PXDNL: variants seen among roughly 807,000 people sequenced by gnomAD.
PXDNL encodes probable oxidoreductase PXDNL.
A neutral mutation model predicts 150.8 loss-of-function variants in PXDNL; 145 were observed. That is an observed-to-expected ratio of 0.96 (90% confidence interval 0.84 to 1.10). The LOEUF is 1.10. PXDNL is among the 50% of genes least tolerant of loss of function. The probability of loss-of-function intolerance (pLI) is 0.00; values close to 1 mark genes in which losing one functional copy is unlikely to be tolerated. For synonymous variants in PXDNL, 757 were observed against 725.7 expected (o/e 1.04, Z -0.69); for missense variants, 2,087 against 1,873.9 (o/e 1.11, Z -2.10).
intron 1 of PXDNL, among the ~76,000 whole-genome samples, chr8:51,771,691 C>T (rs1356435969): frequency 1.3e-5 from 2 of 151,958 alleles, no homozygotes; most frequent in Non-Finnish European, 2.9e-5. Flanking sequence ...AAAAAAGAGA[C>T]AAAAGAGAGA....
chr8:51,780,474 A>G (rs1453488062), intron 1 of PXDNL, among the ~76,000 whole-genome samples: 1 of 152,132 alleles, frequency 6.6e-6, no homozygotes, highest in Non-Finnish European at 1.5e-5. Flanking sequence ...ATACTTGTTT[A>G]TCCTACAATG....
Position 51,333,516 on chromosome 8 carries a change from T to TA in PXDNL, c.4146+6107dup, listed in dbSNP as rs1317863037. On this transcript the variant is annotated intron_variant, in intron 21 of 22. Coordinates refer to ENST00000356297, the MANE Select transcript of PXDNL (RefSeq NM_144651.5). Reference sequence around the variant, plus strand: ...CACATTTCAATACTAACATTGAATGTAAATGTACTCAATGCTCCACTTAAA... The same window carrying TA: ...CACATTTCAATACTAACATTGAATGTAAAATGTACTCAATGCTCCACTTAAA... Among the ~76,000 whole-genome samples, 8 of 152,344 alleles carry TA rather than the reference T, an allele frequency of 5.3e-5. 1 individual carries two copies. The South Asian group carries it at 1.2e-3, about 24-fold the overall frequency.
intron 2 of PXDNL, among the ~76,000 whole-genome samples, chr8:51,644,301 G>T (rs1302705654): frequency 8.6e-6 from 1 of 116,872 alleles, no homozygotes; most frequent in African/African-American, 2.8e-5. Context: ...TATAAACCCT[G>T]TAGCAAAGGC....
chr8:51,510,524 C>T (rs1021677696), intron 4 of PXDNL, among the ~76,000 whole-genome samples: 1 of 152,130 alleles, frequency 6.6e-6, no homozygotes, highest in African/African-American at 2.4e-5. Context: ...TAAAGCACAG[C>T]AGGGGCATAG....
At chr8:51,478,647 G>A (rs1054673266) in intron 6 of PXDNL, among the ~76,000 whole-genome samples, 4 of 152,206 alleles carry the variant, frequency 2.6e-5, no homozygotes, top group African/African-American at 9.6e-5. Context: ...CCAGAGTCAA[G>A]GGCAGAATTC....
chr8:51,693,659 A>C (rs748074759), intron 1 of PXDNL, among the ~76,000 whole-genome samples: 28 of 152,248 alleles, frequency 1.8e-4, no homozygotes, highest in East Asian at 9.7e-4. Context: ...GGTCCCAGCT[A>C]CTTGGGAGGC....
intron 2 of PXDNL, among the ~76,000 whole-genome samples, chr8:51,632,665 C>A (rs1814516069): frequency 6.6e-6 from 1 of 152,012 alleles, no homozygotes; most frequent in African/African-American, 2.4e-5. Context: ...ATAGAATAAA[C>A]ATTTTTTCAA....
chr8:51,350,186 A>G (rs1806292664), intron 19 of PXDNL, among the ~76,000 whole-genome samples: 1 of 151,948 alleles, frequency 6.6e-6, no homozygotes, highest in Non-Finnish European at 1.5e-5. Flanking sequence ...CGCCCAAGAT[A>G]GGGTCTCTGG....
At chr8:51,740,236 T>C (rs2036889592) in intron 1 of PXDNL, among the ~76,000 whole-genome samples, 1 of 152,234 alleles carries the variant, frequency 6.6e-6, no homozygotes, top group South Asian at 2.1e-4. Context: ...TGATTGGTTA[T>C]AGTGATTGGA....
chr8:51,715,716 G>A lies in PXDNL; in HGVS notation c.165-60956C>T, dbSNP rs191127528. ...AAGATCCTTATGAATATAGGGCGGG[G>A]TTTCTTGTCAAGTTAATGGTGCGGA... On this transcript the variant is annotated intron_variant, in intron 1 of 22. Transcript: ENST00000356297. Among the ~76,000 whole-genome samples, 185 of 152,252 alleles carry A rather than the reference G, an allele frequency of 1.2e-3. 1 individual carries two copies. Among genetic ancestry groups the A allele is most frequent in the African/African-American group, 4.2e-3 (176 of 41,546 alleles).
intron 1 of PXDNL, among the ~76,000 whole-genome samples, chr8:51,755,300 T>G (rs1430880962): frequency 9.3e-5 from 1 of 10,788 alleles, no homozygotes; most frequent in East Asian, 8.2e-3. Context: ...AATGTTTTGT[T>G]TTTTTTTTTT....
chr8:51,332,302 C>T (rs996753373), intron 21 of PXDNL, among the ~76,000 whole-genome samples: 2 of 152,214 alleles, frequency 1.3e-5, no homozygotes, highest in Non-Finnish European at 2.9e-5. Context: ...AAGAGAACAC[C>T]CTGTGGGACA....
At position 51,492,120 on chromosome 8, in the gene PXDNL, A is replaced by G. The variant is rs576953321; in HGVS notation, c.452+7579T>C. ...GGTTGACTGGCTCTTCTTAGCCTTT[A>G]ATTTTACTAATTTATTTTGTATATT... On this transcript the variant is annotated intron_variant, in intron 5 of 22. Coordinates refer to ENST00000356297, the MANE Select transcript of PXDNL (RefSeq NM_144651.5). 7.9e-5 allele frequency among the ~76,000 whole-genome samples: 12 copies of G among 152,330 alleles called. No homozygotes were observed. The East Asian group carries it at 2.3e-3, about 29-fold the overall frequency.
At chr8:51,349,135 C>T (rs1296588205) in intron 19 of PXDNL, among the ~76,000 whole-genome samples, 2 of 149,060 alleles carry the variant, frequency 1.3e-5, no homozygotes, top group Non-Finnish European at 3.0e-5. Flanking sequence ...CCAGATAACT[C>T]GTGTTCAAGA....
chr8:51,719,659 T>A (rs1323138201), intron 1 of PXDNL, among the ~76,000 whole-genome samples: 1 of 151,916 alleles, frequency 6.6e-6, no homozygotes, highest in Non-Finnish European at 1.5e-5. Context: ...AAAAAAACTA[T>A]TTCTACCTTC....
intron 5 of PXDNL, among the ~76,000 whole-genome samples, chr8:51,494,714 CA>C (rs1429270193): frequency 6.6e-6 from 1 of 152,086 alleles, no homozygotes; most frequent in African/African-American, 2.4e-5. Flanking sequence ...GGGATCAATT[CA>C]ACAAGAAGAG....
rs769055754 is a variant in PXDNL at position 51,472,436 on chromosome 8, C to T, written c.695-132G>A. 1.3e-4 allele frequency: 78 copies of T among 611,808 alleles called. No individual in the cohort carries two copies. In the Middle Eastern group the frequency reaches 1.3e-3, roughly 10 times the overall value. 37.9% of individuals were successfully genotyped at this position (611,808 alleles called of 1,614,324 possible). On this transcript the variant is annotated intron_variant, in intron 7 of 22. Coordinates refer to ENST00000356297, the MANE Select transcript of PXDNL (RefSeq NM_144651.5). ...TTTTACACATCGAACTGCATTTACC[C>T]GGTAATACATGTACCAGGTTAGAGA...
chr8:51,505,481 C>T (rs1486323447), intron 4 of PXDNL, among the ~76,000 whole-genome samples: 1 of 152,194 alleles, frequency 6.6e-6, no homozygotes, highest in East Asian at 1.9e-4. Context: ...CTGTATCTAA[C>T]TGCACAATCA....
intron 2 of PXDNL, among the ~76,000 whole-genome samples, chr8:51,613,125 A>G (rs1485346505): frequency 6.6e-6 from 1 of 152,062 alleles, no homozygotes; most frequent in Non-Finnish European, 1.5e-5. Context: ...GCAATTGACT[A>G]TGGGGCCATA....
Sources: gnomAD v4.1 joint callset for allele counts (sites outside exome capture counted in the v4.1 genomes callset) on GRCh38, gnomAD v4.1.1 for gene constraint, MANE v1.5 for transcripts, NCBI Gene and HGNC (gene_info 2026-07-23, HGNC 2026-07-21) for gene names.